The following EDIL3 variants were observed in gnomAD, a reference collection of about 807,000 sequenced individuals.
The protein encoded by EDIL3 is EGF like and discoidin domains 3.
A neutral mutation model predicts 67.4 loss-of-function variants in EDIL3; 37 were observed. The observed-to-expected ratio is 0.55, with a 90% CI of 0.42 to 0.72. The LOEUF (loss-of-function observed/expected upper bound fraction) is 0.72, where lower values mean the gene tolerates loss of function less well. Ranked by LOEUF, EDIL3 falls within the 30% of genes least tolerant of loss-of-function variation. EDIL3 has a pLI of 0.00. For missense variants in EDIL3, 527 were observed against 586.3 expected, an observed-to-expected ratio of 0.90 and a Z score of 1.04; for synonymous variants, 195 against 196.3, an observed-to-expected ratio of 0.99 and a Z score of 0.05.
In EDIL3 at chr5:84,132,326, T is replaced by TAC. The variant is rs1451756418; in HGVS notation, c.469+4914_469+4915insGT. On this transcript the variant is annotated intron_variant, in intron 5 of 10. Transcript: ENST00000296591. The stretch of plus-strand genomic sequence containing the variant: ...TATAATATATATTATATATATTTTA[T>TAC]ATAATATATATTATATATATTTTAT... 1.2e-4 allele frequency among the ~76,000 whole-genome samples: 10 copies of TAC among 86,344 alleles called. No homozygotes were observed. In the East Asian group the frequency reaches 1.2e-3, roughly 10 times the overall value. 56.6% of individuals were successfully genotyped at this position (86,344 alleles called of 152,430 possible).
chr5:84,008,698 G>T lies in EDIL3; in HGVS notation c.1138-45338C>A, dbSNP rs182557847. On this transcript the variant is annotated intron_variant, in intron 9 of 10. Transcript: ENST00000296591. ...AAAAGCAGTTTCACAGAAATGATGG[G>T]ATAAAAAAGTGAGTAGGAGGTGGGA... 2.6e-5 allele frequency among the ~76,000 whole-genome samples: 4 copies of T among 152,300 alleles called. No individual in the cohort carries two copies. The East Asian group carries it at 5.8e-4, about 22-fold the overall frequency.
In EDIL3 at chr5:84,234,540, T is replaced by C. The variant is rs528969772; in HGVS notation, c.197-4656A>G. ...CAGTCTCTTTGTGTGGTTTCAACAATTCTTACATATTCTGTTTTTGTCTGT... is the reference window on the plus strand; with the variant it reads ...CAGTCTCTTTGTGTGGTTTCAACAACTCTTACATATTCTGTTTTTGTCTGT... On this transcript the variant is annotated intron_variant, in intron 2 of 10. Transcript: ENST00000296591. Among the ~76,000 whole-genome samples the C allele has an allele frequency of 2.0e-5, 3 of 152,336 alleles. No individual in the cohort carries two copies. In the East Asian group the frequency reaches 5.8e-4, roughly 29 times the overall value.
At chr5:84,377,184 G>A (rs773125594) in intron 1 of EDIL3, among the ~76,000 whole-genome samples, 8 of 151,960 alleles carry the variant, frequency 5.3e-5, no homozygotes, top group Non-Finnish European at 1.0e-4. Flanking sequence ...AAAATTAGCC[G>A]AGCCTGTAGT....
chr5:84,092,545 A>G (rs1399482480), intron 6 of EDIL3, among the ~76,000 whole-genome samples: 1 of 152,188 alleles, frequency 6.6e-6, no homozygotes, highest in Non-Finnish European at 1.5e-5. Flanking sequence ...TCTGTATTTT[A>G]TGAGAAACAG....
chr5:84,242,121 A>G (rs1744807303), intron 2 of EDIL3, among the ~76,000 whole-genome samples: 1 of 151,092 alleles, frequency 6.6e-6, no homozygotes, highest in African/African-American at 2.4e-5. Flanking sequence ...AGTCCCAGCT[A>G]CTCGGGAGGC....
chr5:84,110,789 G>A (rs563690805), intron 5 of EDIL3, among the ~76,000 whole-genome samples: 65 of 152,236 alleles, frequency 4.3e-4, no homozygotes, highest in African/African-American at 1.5e-3. Context: ...ACATACTTAT[G>A]CATCCTAGGG....
rs147979049 is a variant in EDIL3 at position 83,949,756 on chromosome 5, C to T, written c.1294-6188G>A. On this transcript the variant is annotated intron_variant, in intron 10 of 10. Coordinates refer to ENST00000296591, the MANE Select transcript of EDIL3 (RefSeq NM_005711.5). ...ACAGTCTACAAAACCGTGTGTAATA[C>T]GAGTGTGCAGTAGATGTTAACCTTA... 2.2e-3 allele frequency among the ~76,000 whole-genome samples: 340 copies of T among 151,868 alleles called. 1 individual carries two copies. Among genetic ancestry groups the T allele is most frequent in the African/African-American group, 7.6e-3 (317 of 41,480 alleles).
chr5:84,318,184 C>T (rs538864294), intron 1 of EDIL3, among the ~76,000 whole-genome samples: 4 of 152,298 alleles, frequency 2.6e-5, no homozygotes, highest in South Asian at 2.1e-4. Context: ...AAGAATATTC[C>T]ATGCTCATGG....
intron 6 of EDIL3, among the ~76,000 whole-genome samples, chr5:84,093,526 C>T (rs1456023811): frequency 1.3e-5 from 2 of 152,104 alleles, no homozygotes; most frequent in South Asian, 4.2e-4. Flanking sequence ...AATAGATGAA[C>T]CATGCAGTGC....
At chr5:84,013,030 T>C (rs191260128) in intron 9 of EDIL3, among the ~76,000 whole-genome samples, 3 of 151,962 alleles carry the variant, frequency 2.0e-5, no homozygotes, top group Admixed American at 6.6e-5. Flanking sequence ...CAGATTCAAA[T>C]AATTTAAAAT....
At chr5:84,177,021 C>G (rs1242062912) in intron 4 of EDIL3, among the ~76,000 whole-genome samples, 1 of 151,904 alleles carries the variant, frequency 6.6e-6, no homozygotes, top group Admixed American at 6.6e-5. Context: ...TGTTGGAGAC[C>G]TTTTGAAGCT....
At chr5:84,093,322 A>G (rs971828050) in intron 6 of EDIL3, among the ~76,000 whole-genome samples, 3 of 152,106 alleles carry the variant, frequency 2.0e-5, no homozygotes, top group African/African-American at 7.2e-5. Flanking sequence ...TGTTTATGGT[A>G]TAGGAGGAGA....
intron 9 of EDIL3, among the ~76,000 whole-genome samples, chr5:83,990,546 A>G (rs1435663498): frequency 6.6e-6 from 1 of 151,746 alleles, no homozygotes; most frequent in Non-Finnish European, 1.5e-5. Flanking sequence ...GGAAGTCAGA[A>G]AGAAGACTTG....
At chr5:84,172,294 A>T (rs1748825434) in intron 4 of EDIL3, among the ~76,000 whole-genome samples, 1 of 152,228 alleles carries the variant, frequency 6.6e-6, no homozygotes, top group African/African-American at 2.4e-5. Context: ...TTTGAAGTGA[A>T]TTCTTGGCCT....
intron 9 of EDIL3, among the ~76,000 whole-genome samples, chr5:84,002,898 C>T (rs1042945894): frequency 6.6e-6 from 1 of 152,164 alleles, no homozygotes; most frequent in African/African-American, 2.4e-5. Context: ...AACCCCTGCT[C>T]TTCTCTAGGC....
intron 1 of EDIL3, among the ~76,000 whole-genome samples, chr5:84,356,889 C>CTTT (rs1189590387): frequency 0.036 from 1,156 of 32,100 alleles, 192 homozygotes; most frequent in Non-Finnish European, 0.061. Flanking sequence ...ATCTTTCTTT[C>CTTT]TTTTTTTTTT....
intron 1 of EDIL3, among the ~76,000 whole-genome samples, chr5:84,265,049 A>G (rs1745319468): frequency 6.6e-6 from 1 of 152,300 alleles, no homozygotes; most frequent in East Asian, 1.9e-4. Context: ...AAGTCACCTA[A>G]AAGAAGAACA....
intron 1 of EDIL3, among the ~76,000 whole-genome samples, chr5:84,306,159 C>G (rs1273842429): frequency 6.6e-6 from 1 of 152,090 alleles, no homozygotes; most frequent in African/African-American, 2.4e-5. Context: ...GGCCTTCTAG[C>G]TATATTTTTT....
intron 1 of EDIL3, among the ~76,000 whole-genome samples, chr5:84,366,948 C>T (rs1332530189): frequency 6.6e-6 from 1 of 152,126 alleles, no homozygotes; most frequent in Non-Finnish European, 1.5e-5. Flanking sequence ...TAGCAAATTA[C>T]ATTCAGATAT....
Sources: gnomAD v4.1 joint callset for allele counts (sites outside exome capture counted in the v4.1 genomes callset) on GRCh38, gnomAD v4.1.1 for gene constraint, MANE v1.5 for transcripts, NCBI Gene and HGNC (gene_info 2026-07-23, HGNC 2026-07-21) for gene names.